Variants in PCDHA11 observed in about 807,000 individuals in gnomAD.
PCDHA11 encodes protocadherin alpha 11, also known as protocadherin alpha-11.
Under a neutral mutation model 70.3 loss-of-function variants are expected in PCDHA11, and 61 were observed. The ratio of observed to expected loss-of-function variants is 0.87; its 90% CI spans 0.71 to 1.07. The LOEUF is 1.07. PCDHA11 is among the 50% of genes least tolerant of loss of function. The pLI, the probability that PCDHA11 is intolerant of heterozygous loss-of-function variation, is 0.00. For missense variants in PCDHA11, 1,324 were observed against 1,237.5 expected (o/e 1.07, Z -1.05); for synonymous variants, 633 against 555.1 (o/e 1.14, Z -1.97).
intron 1 of PCDHA11, among the ~76,000 whole-genome samples, chr5:140,977,973 A>G (rs1336063493): frequency 4.6e-5 from 7 of 152,178 alleles, no homozygotes; most frequent in Admixed American, 3.9e-4. Flanking sequence ...TCCGCCCATG[A>G]AAACGCATCT....
At chr5:140,876,607 T>A in intron 1 of PCDHA11, 1 of 1,614,186 alleles carries the variant, frequency 6.2e-7, no homozygotes, top group Non-Finnish European at 8.5e-7. Context: ...GGATCGTGAC[T>A]CTGGAGCCAA....
chr5:140,998,066 C>T (rs1234368433), intron 3 of PCDHA11, among the ~76,000 whole-genome samples: 2 of 152,160 alleles, frequency 1.3e-5, no homozygotes, highest in East Asian at 1.9e-4. Flanking sequence ...CATCAACAGA[C>T]TTAGCCTCTG....
At chr5:140,972,624 G>A (rs2096543924) in intron 1 of PCDHA11, among the ~76,000 whole-genome samples, 1 of 150,616 alleles carries the variant, frequency 6.6e-6, no homozygotes, top group Non-Finnish European at 1.5e-5. Flanking sequence ...GAATGTTGTT[G>A]GCACTCCCTT....
intron 3 of PCDHA11, 42 bp downstream of exon 3, chr5:140,982,605 A>G: frequency 1.9e-6 from 3 of 1,605,520 alleles, no homozygotes; most frequent in Non-Finnish European, 2.6e-6. Flanking sequence ...GGTTTCTGGA[A>G]AGTGATCAGA....
intron 1 of PCDHA11, among the ~76,000 whole-genome samples, chr5:140,919,511 G>A (rs782614998): frequency 1.3e-5 from 2 of 151,848 alleles, no homozygotes; most frequent in Non-Finnish European, 2.9e-5. Flanking sequence ...TTTTCTATAT[G>A]TTTTAATTCT....
chr5:140,884,403 T>C, intron 1 of PCDHA11: 1 of 1,613,992 alleles, frequency 6.2e-7, no homozygotes, highest in African/African-American at 1.3e-5. Context: ...AGCCTGTTGG[T>C]GCTCACGTTG....
intron 1 of PCDHA11, chr5:140,966,362 A>C: frequency 2.5e-6 from 1 of 400,494 alleles, no homozygotes; most frequent in Non-Finnish European, 4.4e-6. Flanking sequence ...GGGGCTGGAG[A>C]GGCTGAGCAG....
In PCDHA11 at chr5:141,009,994, C is replaced by T; in HGVS notation, c.*57C>T. 1.3e-6 allele frequency: 2 copies of T among 1,577,076 alleles called. No individual in the cohort carries two copies. Among genetic ancestry groups the T allele is most frequent in the South Asian group, 1.2e-5 (1 of 83,074 alleles). On this transcript the variant is annotated 3_prime_UTR_variant, in exon 4 of 4. Transcript: ENST00000398640. Reference sequence around the variant, plus strand: ...GTTTTTGTAATAATGGCAAATCTCTCCCATGTAGCAATTCCCTGCTCCTTT... The same window carrying T: ...GTTTTTGTAATAATGGCAAATCTCTTCCATGTAGCAATTCCCTGCTCCTTT...
intron 1 of PCDHA11, among the ~76,000 whole-genome samples, chr5:140,963,536 T>G (rs2095772178): frequency 6.6e-6 from 1 of 152,230 alleles, no homozygotes; most frequent in African/African-American, 2.4e-5. Flanking sequence ...TCCCATTTAC[T>G]TCATGATATA....
At chr5:140,950,237 ATTTG>A (rs782102459) in intron 1 of PCDHA11, among the ~76,000 whole-genome samples, 1 of 151,954 alleles carries the variant, frequency 6.6e-6, no homozygotes, top group Non-Finnish European at 1.5e-5. Flanking sequence ...AGTGCCATTA[ATTTG>A]TTCCTAAAGA....
At chr5:140,995,698 G>A (rs963042409) in intron 3 of PCDHA11, among the ~76,000 whole-genome samples, 2 of 152,104 alleles carry the variant, frequency 1.3e-5, no homozygotes, top group African/African-American at 2.4e-5. Flanking sequence ...TTAAATAAAG[G>A]GCTGGGCTTG....
intron 3 of PCDHA11, among the ~76,000 whole-genome samples, chr5:141,007,525 G>C (rs782132903): frequency 1.3e-4 from 19 of 151,814 alleles, no homozygotes; most frequent in Non-Finnish European, 2.5e-4. Context: ...CTGATATCTC[G>C]CCACTGCACT....
At chr5:140,979,104 A>G (rs1563470833) in intron 2 of PCDHA11, 97 bp downstream of exon 2, 3 of 1,539,000 alleles carry the variant, frequency 1.9e-6, no homozygotes, top group Admixed American at 2.2e-5. Context: ...TGTCAAAACT[A>G]AAAAGCTTTA....
At position 140,871,053 on chromosome 5, in the gene PCDHA11, G is replaced by A; in HGVS notation, c.1950G>A (p.Val650=). 6.2e-7 allele frequency: 1 copy of A among 1,613,334 alleles called. No homozygotes were observed. Among genetic ancestry groups the A allele is most frequent in the East Asian group, 2.2e-5 (1 of 44,874 alleles). ...DSPRHRLLVL[V]KDHGEPALTA... Reference sequence around the variant, plus strand: ...CGCGCCACCGACTTCTAGTACTGGTGAAGGATCACGGTGAGCCGGCGCTGA... The same window carrying A: ...CGCGCCACCGACTTCTAGTACTGGTAAAGGATCACGGTGAGCCGGCGCTGA... Residue 650 remains valine, a synonymous_variant, in exon 1 of 4, where the codon GTG becomes GTA. Transcript: ENST00000398640.
chr5:140,883,887 C>G (rs782749190), intron 1 of PCDHA11: 1 of 1,613,348 alleles, frequency 6.2e-7, no homozygotes, highest in South Asian at 1.1e-5. Flanking sequence ...GCGCGCGACT[C>G]TGGCGTGCCG....
Position 140,869,424 on chromosome 5 carries a change from G to T in PCDHA11, c.321G>T (p.Glu107Asp), listed in dbSNP as rs2051119407. ...GQSAECSIHLEVIVDRPLQVF... is the reference protein window; with the variant it reads ...GQSAECSIHLDVIVDRPLQVF... The stretch of plus-strand genomic sequence containing the variant: ...GCGCGGAGTGCAGCATCCACCTGGA[G>T]GTGATCGTGGACAGGCCGCTGCAGG... The change falls in exon 1 of 4, where the codon GAG (glutamate) becomes GAT (aspartate). Residue 107 changes from glutamate to aspartate, a missense_variant. By Grantham distance (45) the Glu-to-Asp change is conservative (BLOSUM62 2). Coordinates refer to ENST00000398640, the MANE Select transcript of PCDHA11 (RefSeq NM_018902.5). 1.1e-5 allele frequency: 18 copies of T among 1,614,216 alleles called. No homozygotes were observed. Among genetic ancestry groups the T allele is most frequent in the Non-Finnish European group, 1.5e-5 (18 of 1,180,042 alleles).
At chr5:140,923,878 G>A (rs1475731417) in intron 1 of PCDHA11, among the ~76,000 whole-genome samples, 3 of 152,192 alleles carry the variant, frequency 2.0e-5, no homozygotes, top group Non-Finnish European at 4.4e-5. Context: ...TCTGAGAAGC[G>A]TGTGAAAGAG....
chr5:140,900,151 G>A lies in PCDHA11; in HGVS notation c.2391+28657G>A, dbSNP rs114795695. On this transcript the variant is annotated intron_variant, in intron 1 of 3. Coordinates refer to ENST00000398640, the MANE Select transcript of PCDHA11 (RefSeq NM_018902.5). ...GTACCACAAATAAGTAAGAACATAC[G>A]ATATTTGTCTTTCTGTGCCTGGTTT... is the stretch of plus-strand genomic sequence containing the variant. Among the ~76,000 whole-genome samples, 787 of 152,242 alleles carry A rather than the reference G, an allele frequency of 5.2e-3. 9 individuals carry two copies. Among genetic ancestry groups the A allele is most frequent in the African/African-American group, 0.018 (746 of 41,554 alleles).
chr5:141,001,520 C>G (rs542518188), intron 3 of PCDHA11, among the ~76,000 whole-genome samples: 1 of 152,300 alleles, frequency 6.6e-6, no homozygotes, highest in South Asian at 2.1e-4. Flanking sequence ...CTTTCTCCCT[C>G]TCTCTCTGAT....
Sources: allele counts gnomAD v4.1 joint callset (sites outside exome capture counted in the v4.1 genomes callset), GRCh38; gene constraint gnomAD v4.1.1; transcripts MANE v1.5; gene names NCBI Gene and HGNC (gene_info 2026-07-23, HGNC 2026-07-21).